BRINP3: variants seen among roughly 807,000 people sequenced by gnomAD.
The protein encoded by BRINP3 is BMP/retinoic acid inducible neural specific 3, also known as BMP/retinoic acid-inducible neural-specific protein 3.
In BRINP3, 19 loss-of-function variants were observed where a neutral mutation model predicts 71.0. The observed-to-expected ratio is 0.27, with a 90% CI of 0.19 to 0.39. The LOEUF (loss-of-function observed/expected upper bound fraction) is 0.39. Among genes scored for constraint, BRINP3 ranks in the 10% least tolerant of loss-of-function variants. BRINP3 has a pLI of 1.00. For synonymous variants in BRINP3, 380 were observed against 337.7 expected (o/e 1.13, Z -1.37); for missense variants, 959 against 940.8 (o/e 1.02, Z -0.25).
At chr1:190,160,486 T>C (rs1194207790) in intron 7 of BRINP3, among the ~76,000 whole-genome samples, 182 bp downstream of exon 7, 1 of 152,110 alleles carries the variant, frequency 6.6e-6, no homozygotes, top group Non-Finnish European at 1.5e-5. Flanking sequence ...TTTCTCATTG[T>C]ACTATTACTT....
chr1:190,376,638 A>C (rs1366513899), intron 2 of BRINP3, among the ~76,000 whole-genome samples: 1 of 152,064 alleles, frequency 6.6e-6, no homozygotes, highest in Non-Finnish European at 1.5e-5. Flanking sequence ...AACAAATACA[A>C]AGTTTGATAT....
chr1:190,276,936 T>A (rs1662604870), intron 3 of BRINP3, among the ~76,000 whole-genome samples: 1 of 150,062 alleles, frequency 6.7e-6, no homozygotes, highest in Non-Finnish European at 1.5e-5. Flanking sequence ...TGCTAATAAT[T>A]TAATTATAGC....
At position 190,265,153 on chromosome 1, in the gene BRINP3, A is replaced by C. The variant is rs924636549; in HGVS notation, c.428-98T>G. On this transcript the variant is annotated intron_variant, in intron 3 of 7. Coordinates refer to ENST00000367462, the MANE Select transcript of BRINP3 (RefSeq NM_199051.3). ...AAGGTCTAGCTTATGAATATAGTAAAACAAAGGAGTGATATATGCCAAAAG... is the reference window on the plus strand; with the variant it reads ...AAGGTCTAGCTTATGAATATAGTAACACAAAGGAGTGATATATGCCAAAAG... 39 of 1,092,578 alleles carry C rather than the reference A, an allele frequency of 3.6e-5. No individual in the cohort carries two copies. The African/African-American group carries it at 5.6e-4, about 16-fold the overall frequency. The allele number at this position is 1,092,578 out of a possible 1,614,324, so 67.7% of individuals were successfully genotyped here. A position where few individuals can be genotyped will look rare whatever the true frequency, so the allele number is the denominator to read the frequency against.
intron 7 of BRINP3, among the ~76,000 whole-genome samples, chr1:190,109,939 G>A (rs1479205277): frequency 1.3e-5 from 2 of 152,192 alleles, no homozygotes; most frequent in Non-Finnish European, 2.9e-5. Flanking sequence ...CAGCTTGCAG[G>A]TGATCAACTG....
chr1:190,354,755 A>C (rs1668619341), intron 2 of BRINP3, among the ~76,000 whole-genome samples: 1 of 151,118 alleles, frequency 6.6e-6, no homozygotes, highest in Non-Finnish European at 1.5e-5. Flanking sequence ...ACCGTCTCTT[A>C]AAAGGTCTTC....
At chr1:190,184,408 T>C (rs1300099612) in intron 6 of BRINP3, among the ~76,000 whole-genome samples, 1 of 152,110 alleles carries the variant, frequency 6.6e-6, no homozygotes, top group Non-Finnish European at 1.5e-5. Flanking sequence ...AATAGCTCAT[T>C]ATACCAAAAA....
chr1:190,415,333 C>T (rs1439402889), intron 2 of BRINP3, among the ~76,000 whole-genome samples: 2 of 152,056 alleles, frequency 1.3e-5, no homozygotes, highest in Non-Finnish European at 2.9e-5. Flanking sequence ...GTTGAAGAAG[C>T]ATGATAAAAC....
At chr1:190,228,264 G>T (rs1657594070) in intron 5 of BRINP3, among the ~76,000 whole-genome samples, 2 of 151,468 alleles carry the variant, frequency 1.3e-5, no homozygotes, top group African/African-American at 4.8e-5. Flanking sequence ...GAATAATTCA[G>T]AGTCTTTGCT....
At chr1:190,345,982 T>C (rs1184756417) in intron 2 of BRINP3, among the ~76,000 whole-genome samples, 1 of 151,868 alleles carries the variant, frequency 6.6e-6, no homozygotes, top group Admixed American at 6.6e-5. Flanking sequence ...ATTATAATAG[T>C]CACAACCTGC....
intron 7 of BRINP3, among the ~76,000 whole-genome samples, chr1:190,148,479 C>T (rs1370148098): frequency 2.0e-5 from 3 of 151,612 alleles, no homozygotes; most frequent in Admixed American, 6.6e-5. Context: ...GCCTGTAGTC[C>T]CAGCTACTAG....
At chr1:190,237,336 C>T (rs1658619347) in intron 4 of BRINP3, among the ~76,000 whole-genome samples, 1 of 151,470 alleles carries the variant, frequency 6.6e-6, no homozygotes, top group Non-Finnish European at 1.5e-5. Context: ...CTCCATATTC[C>T]TTACTAATGT....
At chr1:190,133,710 A>G (rs911581601) in intron 7 of BRINP3, among the ~76,000 whole-genome samples, 1 of 152,156 alleles carries the variant, frequency 6.6e-6, no homozygotes, top group Non-Finnish European at 1.5e-5. Context: ...ATACTTGTAC[A>G]TCATTACATG....
chr1:190,124,032 T>A (rs1164411374), intron 7 of BRINP3, among the ~76,000 whole-genome samples: 1 of 152,152 alleles, frequency 6.6e-6, no homozygotes, highest in African/African-American at 2.4e-5. Flanking sequence ...ATATATGGCA[T>A]ATGCCCTTAT....
Position 190,251,039 on chromosome 1 carries a change from A to G in BRINP3, c.618+13826T>C, listed in dbSNP as rs1660090162. ...TGAGACCAGGCTGGAAAACACACTG[A>G]GACCCCATCTCTATAAATAATAATA... On this transcript the variant is annotated intron_variant, in intron 4 of 7. Coordinates refer to ENST00000367462, the MANE Select transcript of BRINP3 (RefSeq NM_199051.3). Among the ~76,000 whole-genome samples the G allele has an allele frequency of 2.6e-5, 4 of 152,004 alleles. No homozygotes were observed. In the South Asian group the frequency reaches 6.2e-4, roughly 24 times the overall value.
intron 7 of BRINP3, among the ~76,000 whole-genome samples, chr1:190,110,593 A>G (rs150841392): frequency 2.0e-5 from 3 of 152,316 alleles, no homozygotes; most frequent in Non-Finnish European, 4.4e-5. Context: ...TTCATAGAGT[A>G]TGTTAAAGCC....
intron 1 of BRINP3, among the ~76,000 whole-genome samples, chr1:190,469,457 A>G (rs994511554): frequency 1.3e-5 from 2 of 151,098 alleles, no homozygotes; most frequent in African/African-American, 4.8e-5. Context: ...AGCAAGCATT[A>G]ATTATCTTAA....
chr1:190,221,494 G>T (rs1656888907), intron 6 of BRINP3, among the ~76,000 whole-genome samples: 1 of 144,242 alleles, frequency 6.9e-6, no homozygotes, highest in East Asian at 2.0e-4. Context: ...AAGAAAGACA[G>T]TAAGAAGAGA....
At chr1:190,438,395 C>G (rs1373120714) in intron 2 of BRINP3, among the ~76,000 whole-genome samples, 3 of 151,564 alleles carry the variant, frequency 2.0e-5, no homozygotes, top group Non-Finnish European at 4.4e-5. Flanking sequence ...CATCACTTCT[C>G]TCGATATATG....
chr1:190,200,817 C>T (rs889977844), intron 6 of BRINP3, among the ~76,000 whole-genome samples: 11 of 151,886 alleles, frequency 7.2e-5, no homozygotes, highest in East Asian at 3.9e-4. Context: ...TTTTGCCTGC[C>T]GCCATCCACA....
Sources: allele counts gnomAD v4.1 joint callset (sites outside exome capture counted in the v4.1 genomes callset), GRCh38; gene constraint gnomAD v4.1.1; transcripts MANE v1.5; gene names NCBI Gene and HGNC (gene_info 2026-07-23, HGNC 2026-07-21).